The following ESYT2 variants were observed in gnomAD, a reference collection of about 807,000 sequenced individuals.
ESYT2 encodes extended synaptotagmin 2.
In ESYT2, 54 loss-of-function variants were observed where a neutral mutation model predicts 107.2. That is an observed-to-expected ratio of 0.50 (90% CI 0.40 to 0.63). The LOEUF is 0.63. Ranked by LOEUF, ESYT2 falls within the 30% of genes least tolerant of loss-of-function variation. The pLI is 0.00. For missense variants in ESYT2, 1,020 were observed against 1,094.5 expected (o/e 0.93, Z 0.96); for synonymous variants, 491 against 434.1 (o/e 1.13, Z -1.63).
At chr7:158,826,169 A>T (rs892243224) in intron 1 of ESYT2, among the ~76,000 whole-genome samples, 25 of 152,342 alleles carry the variant, frequency 1.6e-4, no homozygotes, top group African/African-American at 5.5e-4. Context: ...CTTCGAGACC[A>T]TGCAACCTGC....
At chr7:158,760,549 G>A (rs576377070) in intron 11 of ESYT2, among the ~76,000 whole-genome samples, 1 of 152,272 alleles carries the variant, frequency 6.6e-6, no homozygotes, top group Admixed American at 6.5e-5. Context: ...TGCCCAGGCT[G>A]GGCTCAAGCG....
chr7:158,808,395 G>A (rs762739547), intron 1 of ESYT2, among the ~76,000 whole-genome samples: 13 of 152,320 alleles, frequency 8.5e-5, no homozygotes, highest in Non-Finnish European at 1.8e-4. Context: ...TGGGATCGAC[G>A]TGCTCATTTC....
intron 5 of ESYT2, 96 bp downstream of exon 5, chr7:158,788,249 A>C: frequency 1.5e-6 from 2 of 1,305,222 alleles, no homozygotes; most frequent in Non-Finnish European, 1.1e-6. Flanking sequence ...CGTCAAAAAA[A>C]TTCCAAGCTA....
chr7:158,755,723 C>A (rs1837732010), intron 13 of ESYT2, among the ~76,000 whole-genome samples: 1 of 152,192 alleles, frequency 6.6e-6, no homozygotes, highest in Non-Finnish European at 1.5e-5. Flanking sequence ...ATGGTTACCA[C>A]TTACTATCGC....
chr7:158,783,713 C>G (rs1242825059), intron 6 of ESYT2, among the ~76,000 whole-genome samples: 2 of 152,208 alleles, frequency 1.3e-5, no homozygotes, highest in Non-Finnish European at 2.9e-5. Flanking sequence ...TGAAAGGCCA[C>G]AGGCCAAGTG....
At chr7:158,773,250 G>T (rs940730031) in intron 7 of ESYT2, 91 bp downstream of exon 7, 45 of 1,405,402 alleles carry the variant, frequency 3.2e-5, no homozygotes, top group Non-Finnish European at 4.4e-5. Context: ...GCAGACGCAG[G>T]TCTTAACCAT....
At chr7:158,827,317 T>TTG (rs1840486905) in intron 1 of ESYT2, among the ~76,000 whole-genome samples, 1 of 152,190 alleles carries the variant, frequency 6.6e-6, no homozygotes, top group Non-Finnish European at 1.5e-5. Flanking sequence ...ATGTTATCAA[T>TTG]ATAACATAGC....
chr7:158,781,319 G>C (rs1584838723), intron 6 of ESYT2, among the ~76,000 whole-genome samples: 1 of 151,812 alleles, frequency 6.6e-6, no homozygotes, highest in African/African-American at 2.4e-5. Context: ...AACTGTGAGA[G>C]TGAACGAGTG....
rs1443714469 is a variant in ESYT2, at chr7:158,767,634, G to A, written c.924+20C>T. On this transcript the variant is annotated intron_variant, in intron 8 of 22. Transcript: ENST00000275418. Reference sequence around the variant, plus strand: ...CTCCAAGATGTTTTTAAATGTGAATGGATGCCGGGACACGCTTACCTTTGG... The same window carrying A: ...CTCCAAGATGTTTTTAAATGTGAATAGATGCCGGGACACGCTTACCTTTGG... 7.5e-6 allele frequency: 12 copies of A among 1,603,082 alleles called. No individual in the cohort carries two copies. The highest frequency in any genetic ancestry group is 9.4e-6 in the Non-Finnish European group (11 of 1,173,982).
At chr7:158,745,459 G>A (rs1316855187) in intron 16 of ESYT2, among the ~76,000 whole-genome samples, 3 of 152,172 alleles carry the variant, frequency 2.0e-5, no homozygotes, top group Non-Finnish European at 4.4e-5. Flanking sequence ...AACTAGTAAG[G>A]CCCCAGAGGG....
At chr7:158,755,861 C>G (rs1326788930) in intron 13 of ESYT2, among the ~76,000 whole-genome samples, 1 of 151,994 alleles carries the variant, frequency 6.6e-6, no homozygotes, top group Non-Finnish European at 1.5e-5. Flanking sequence ...ATACTAGGGG[C>G]CGTCAGGGGG....
rs944316590 is a variant in ESYT2 at position 158,733,938 on chromosome 7, A to G, written c.*269T>C. ...AGACACATCCGACTCCTACGGACAC[A>G]GCTGAGCAGAGTCCACAGACACAAG... On this transcript the variant is annotated 3_prime_UTR_variant, in exon 23 of 23. Coordinates refer to ENST00000275418, the MANE Select transcript of ESYT2 (RefSeq NM_001367773.1). 8.5e-6 allele frequency: 4 copies of G among 473,352 alleles called. No homozygotes were observed. The highest frequency in any genetic ancestry group is 5.9e-5 in the African/African-American group (3 of 51,036). 29.3% of individuals were successfully genotyped at this position (473,352 alleles called of 1,614,324 possible).
Position 158,734,348 on chromosome 7 carries a change from G to A in ESYT2, c.2555+74C>T, listed in dbSNP as rs558075922. ...TCGGGTTCCACCACTGTCTGTGGGG[G>A]ACACTACCCACTGGGCGGGGAAAGC... On this transcript the variant is annotated intron_variant, in intron 22 of 22. Transcript: ENST00000275418. 53 of 1,610,528 alleles carry A rather than the reference G, an allele frequency of 3.3e-5. No individual in the cohort carries two copies. In the African/African-American group the frequency reaches 3.9e-4, roughly 12 times the overall value.
At position 158,761,481 on chromosome 7, in the gene ESYT2, T is replaced by A. The variant is rs774016995; in HGVS notation, c.1233+15A>T. ...TCAACAATTGTAAACAGACCCACACTCCAGGGAAACTTACTTCATCTAAAA... is the reference window on the plus strand; with the variant it reads ...TCAACAATTGTAAACAGACCCACACACCAGGGAAACTTACTTCATCTAAAA... On this transcript the variant is annotated intron_variant, in intron 11 of 22. Transcript: ENST00000275418. The A allele has an allele frequency of 4.3e-6, 7 of 1,613,680 alleles. No homozygotes were observed. In the African/African-American group the frequency reaches 6.7e-5, roughly 15 times the overall value.
chr7:158,788,886 T>C (rs968990247), intron 4 of ESYT2, among the ~76,000 whole-genome samples: 1 of 152,374 alleles, frequency 6.6e-6, no homozygotes, highest in Non-Finnish European at 1.5e-5. Flanking sequence ...CACAGTGCCC[T>C]AGGCCTCTAT....
At chr7:158,739,433 G>A (rs911325930) in intron 18 of ESYT2, among the ~76,000 whole-genome samples, 6 of 152,082 alleles carry the variant, frequency 3.9e-5, no homozygotes, top group African/African-American at 1.4e-4. Context: ...TGTAACCTCC[G>A]CCTCCTGGGT....
At chr7:158,773,963 T>A (rs1408139996) in intron 6 of ESYT2, among the ~76,000 whole-genome samples, 1 of 152,272 alleles carries the variant, frequency 6.6e-6, no homozygotes, top group Non-Finnish European at 1.5e-5. Context: ...TTTTACTTTG[T>A]ATTTTCCAAT....
intron 1 of ESYT2, among the ~76,000 whole-genome samples, chr7:158,821,623 G>A (rs1840288418): frequency 1.3e-5 from 2 of 152,216 alleles, no homozygotes; most frequent in Admixed American, 1.3e-4. Context: ...CCATCCAGAA[G>A]GAGCACTTCT....
chr7:158,804,898 G>A (rs576139385), intron 1 of ESYT2, among the ~76,000 whole-genome samples: 19 of 152,342 alleles, frequency 1.2e-4, no homozygotes, highest in Admixed American at 5.2e-4. Flanking sequence ...TCCTGCACTG[G>A]AGGGAAGAGA....
Sources: gnomAD v4.1 joint callset for allele counts (sites outside exome capture counted in the v4.1 genomes callset) on GRCh38, gnomAD v4.1.1 for gene constraint, MANE v1.5 for transcripts, NCBI Gene and HGNC (gene_info 2026-07-23, HGNC 2026-07-21) for gene names.